The following PRKG1 variants were observed in gnomAD, a reference collection of about 807,000 sequenced individuals.
The protein encoded by PRKG1 is protein kinase cGMP-dependent 1, also known as cGMP-dependent protein kinase 1.
Under a neutral mutation model 88.1 loss-of-function variants are expected in PRKG1, and 35 were observed. The ratio of observed to expected loss-of-function variants is 0.40; its 90% CI spans 0.30 to 0.53. The LOEUF (loss-of-function observed/expected upper bound fraction) is 0.53. Ranked by LOEUF, PRKG1 falls within the 20% of genes least tolerant of loss-of-function variation. The pLI, the probability that PRKG1 is intolerant of heterozygous loss-of-function variation, is 0.59. For synonymous variants in PRKG1, 303 were observed against 292.5 expected (o/e 1.04, Z -0.37); for missense variants, 540 against 839.8 (o/e 0.64, Z 4.41).
intron 2 of PRKG1, among the ~76,000 whole-genome samples, chr10:51,206,933 G>A (rs1838077510): frequency 6.6e-6 from 1 of 152,208 alleles, no homozygotes. Flanking sequence ...TGCCAGGAAA[G>A]TGTGAAATTT....
At chr10:51,160,874 T>TTGTGTGTGTGTG (rs781290669) in intron 2 of PRKG1, among the ~76,000 whole-genome samples, 1 of 100,256 alleles carries the variant, frequency 1.0e-5, no homozygotes, top group Non-Finnish European at 2.0e-5. Context: ...TTCTTCATGC[T>TTGTGTGTGTGTG]CGTGTGTGTG....
At chr10:51,184,417 A>T (rs1837429772) in intron 2 of PRKG1, among the ~76,000 whole-genome samples, 1 of 152,200 alleles carries the variant, frequency 6.6e-6, no homozygotes. Flanking sequence ...CCAAAGTAAA[A>T]TATTTTGTAA....
At chr10:52,008,595 A>G (rs1431208443) in intron 5 of PRKG1, among the ~76,000 whole-genome samples, 2 of 152,156 alleles carry the variant, frequency 1.3e-5, no homozygotes, top group East Asian at 3.9e-4. Flanking sequence ...ATCCCTGAAC[A>G]GACTAATAAC....
chr10:51,417,223 A>G (rs1838266429), intron 2 of PRKG1, among the ~76,000 whole-genome samples: 1 of 152,216 alleles, frequency 6.6e-6, no homozygotes, highest in Admixed American at 6.5e-5. Context: ...AGGTCTGTTC[A>G]TGTCCCCTCA....
chr10:52,233,222 T>C (rs1003300346), intron 9 of PRKG1, among the ~76,000 whole-genome samples: 1 of 146,916 alleles, frequency 6.8e-6, no homozygotes, highest in African/African-American at 2.5e-5. Flanking sequence ...GTAGTGAGAA[T>C]AGCATGTGGC....
chr10:51,899,694 T>TATATATAC lies in PRKG1; in HGVS notation c.699-7812_699-7811insTATATACA, dbSNP rs1165503542. ...ATGTATATATATATATATATATATA[T>TATATATAC]ACAAATTTCTCAATATCTAACTATC... On this transcript the variant is annotated intron_variant, in intron 4 of 17. Coordinates refer to ENST00000373980, the MANE Select transcript of PRKG1 (RefSeq NM_006258.4). Among the ~76,000 whole-genome samples the TATATATAC allele has an allele frequency of 4.8e-4, 69 of 142,790 alleles. 1 individual carries two copies. Among genetic ancestry groups the TATATATAC allele is most frequent in the African/African-American group, 1.7e-3 (64 of 38,384 alleles). The allele number at this position is 142,790 out of a possible 152,430, so 93.7% of individuals were successfully genotyped here.
chr10:51,031,003 A>T (rs1264847384), intron 1 of PRKG1, among the ~76,000 whole-genome samples: 2 of 152,156 alleles, frequency 1.3e-5, no homozygotes, highest in Non-Finnish European at 1.5e-5. Flanking sequence ...TAATTTTTTT[A>T]CTAGTTAGAG....
intron 2 of PRKG1, among the ~76,000 whole-genome samples, chr10:51,382,326 ATCT>A (rs1439397761): frequency 3.9e-5 from 6 of 152,340 alleles, no homozygotes; most frequent in African/African-American, 1.4e-4. Context: ...TATCTATGAA[ATCT>A]TCTACTGAAT....
intron 3 of PRKG1, among the ~76,000 whole-genome samples, chr10:51,751,301 G>A (rs983323008): frequency 1.3e-5 from 2 of 152,104 alleles, no homozygotes; most frequent in East Asian, 1.9e-4. Context: ...GCAGTGGTGC[G>A]ATCTCGGCTC....
At chr10:51,765,576 G>C (rs543505916) in intron 3 of PRKG1, among the ~76,000 whole-genome samples, 4 of 152,172 alleles carry the variant, frequency 2.6e-5, no homozygotes, top group Non-Finnish European at 4.4e-5. Context: ...CACTGAGCCT[G>C]GTACACAGGA....
intron 3 of PRKG1, among the ~76,000 whole-genome samples, chr10:51,532,777 T>TAC (rs1313992565): frequency 1.3e-5 from 2 of 152,290 alleles, no homozygotes; most frequent in African/African-American, 4.8e-5. Flanking sequence ...GTCAGGGATA[T>TAC]ACACTTTTCC....
chr10:51,146,051 T>C (rs1325545444), intron 1 of PRKG1, among the ~76,000 whole-genome samples: 1 of 151,906 alleles, frequency 6.6e-6, no homozygotes, highest in Non-Finnish European at 1.5e-5. Flanking sequence ...CAGCCAGGCA[T>C]GGTGGCAGGT....
chr10:51,794,480 C>A (rs575924071), intron 3 of PRKG1, among the ~76,000 whole-genome samples: 3 of 152,060 alleles, frequency 2.0e-5, no homozygotes, highest in Non-Finnish European at 4.4e-5. Context: ...AAATTTTAGA[C>A]TATTGAAATA....
At chr10:51,276,745 C>T (rs145138255) in intron 2 of PRKG1, among the ~76,000 whole-genome samples, 21,173 of 152,088 alleles carry the variant, frequency 0.14, 1,584 homozygotes, top group East Asian at 0.19. Context: ...ATGTGTCTGT[C>T]GACTGCATAA....
intron 5 of PRKG1, among the ~76,000 whole-genome samples, chr10:52,051,399 C>T (rs1321175415): frequency 6.6e-6 from 1 of 152,124 alleles, no homozygotes; most frequent in Non-Finnish European, 1.5e-5. Flanking sequence ...TCTGTTGGGG[C>T]TCAAGAATCC....
chr10:52,010,351 G>T (rs1411528483), intron 5 of PRKG1, among the ~76,000 whole-genome samples: 2 of 152,024 alleles, frequency 1.3e-5, no homozygotes, highest in South Asian at 2.1e-4. Flanking sequence ...TAAAAAGTGG[G>T]CAAAGGACAT....
intron 3 of PRKG1, among the ~76,000 whole-genome samples, chr10:51,631,038 G>C (rs553050813): frequency 6.6e-6 from 1 of 152,280 alleles, no homozygotes; most frequent in East Asian, 1.9e-4. Flanking sequence ...AGGCTTCATG[G>C]CTTCTTCGTT....
chr10:51,279,619 T>C (rs1014879721), intron 2 of PRKG1, among the ~76,000 whole-genome samples: 1 of 152,258 alleles, frequency 6.6e-6, no homozygotes, highest in Non-Finnish European at 1.5e-5. Context: ...TTGATTCCTT[T>C]ACCATTATGT....
chr10:51,677,748 G>C (rs1840747198), intron 3 of PRKG1, among the ~76,000 whole-genome samples: 1 of 152,210 alleles, frequency 6.6e-6, no homozygotes, highest in African/African-American at 2.4e-5. Context: ...TTTGTGCTCA[G>C]AGAGGCACTA....
Sources: gnomAD v4.1 joint callset for allele counts (sites outside exome capture counted in the v4.1 genomes callset) on GRCh38, gnomAD v4.1.1 for gene constraint, MANE v1.5 for transcripts, NCBI Gene and HGNC (gene_info 2026-07-23, HGNC 2026-07-21) for gene names.